TMEM132B: variants seen among roughly 807,000 people sequenced by gnomAD.
TMEM132B encodes the protein transmembrane protein 132B.
A neutral mutation model predicts 90.8 loss-of-function variants in TMEM132B; 18 were observed. The ratio of observed to expected loss-of-function variants is 0.20; its 90% CI spans 0.14 to 0.29. The LOEUF is 0.29. Ranked by LOEUF, TMEM132B falls within the 10% of genes least tolerant of loss-of-function variation. The pLI is 1.00. For missense variants in TMEM132B, 1,096 were observed against 1,326.8 expected (o/e 0.83, Z 2.70); for synonymous variants, 504 against 523.3 (o/e 0.96, Z 0.50).
chr12:125,475,872 C>G (rs566873202), intron 3 of TMEM132B, among the ~76,000 whole-genome samples: 66 of 152,274 alleles, frequency 4.3e-4, no homozygotes, highest in African/African-American at 1.5e-3. Context: ...GTCTCTAGAC[C>G]ATTATGGAAT....
chr12:125,246,873 G>A lies in TMEM132B; in HGVS notation c.67+60007G>A, dbSNP rs1349678061. Among the ~76,000 whole-genome samples the A allele has an allele frequency of 1.3e-5, 2 of 152,052 alleles. No individual in the cohort carries two copies. The highest frequency in any genetic ancestry group is 4.8e-5 in the African/African-American group (2 of 41,406). On this transcript the variant is annotated intron_variant, in intron 1 of 8. Coordinates refer to ENST00000682704, the MANE Select transcript of TMEM132B (RefSeq NM_001366854.1). The surrounding 1 kb of genome is among the most constrained non-coding windows in gnomAD (Gnocchi z 4.2). ...TGATGTGACACCATTTGGGGTTTCA[G>A]CATTTCATCACATTTCCCACCGGGA...
intron 1 of TMEM132B, among the ~76,000 whole-genome samples, chr12:125,266,980 G>A (rs1874710925): frequency 6.6e-6 from 1 of 152,114 alleles, no homozygotes; most frequent in South Asian, 2.1e-4. Flanking sequence ...TCAGGATGGT[G>A]AGCCTTGCTG....
intron 1 of TMEM132B, among the ~76,000 whole-genome samples, chr12:125,198,376 G>T (rs1196776873): frequency 6.6e-6 from 1 of 152,156 alleles, no homozygotes; most frequent in Non-Finnish European, 1.5e-5. Context: ...TCTGCCACTT[G>T]GTCTCTTAGT....
At chr12:125,379,279 G>A (rs1463475921) in intron 2 of TMEM132B, among the ~76,000 whole-genome samples, 1 of 152,200 alleles carries the variant, frequency 6.6e-6, no homozygotes, top group Non-Finnish European at 1.5e-5. Flanking sequence ...GGTTATCCAG[G>A]TGGAACCAGT....
chr12:125,498,746 G>A lies in TMEM132B; in HGVS notation c.1107-20693G>A, dbSNP rs1421331493. On this transcript the variant is annotated intron_variant, in intron 3 of 8. Coordinates refer to ENST00000682704, the MANE Select transcript of TMEM132B (RefSeq NM_001366854.1). This position sits in a 1 kb window ranked among gnomAD's most constrained non-coding sequence, Gnocchi z 4.5. Reference sequence around the variant, plus strand: ...GGGTTACTAGAGTCCCATGGGGCTTGTTCTAATGTCCTTACAGAGGATACT... The same window carrying A: ...GGGTTACTAGAGTCCCATGGGGCTTATTCTAATGTCCTTACAGAGGATACT... Among the ~76,000 whole-genome samples the A allele has an allele frequency of 6.6e-6, 1 of 152,238 alleles. No homozygotes were observed. Among genetic ancestry groups the A allele is most frequent in the Admixed American group, 6.5e-5 (1 of 15,284 alleles).
At chr12:125,278,169 C>G (rs958440533) in intron 1 of TMEM132B, among the ~76,000 whole-genome samples, 3 of 152,232 alleles carry the variant, frequency 2.0e-5, no homozygotes, top group African/African-American at 7.2e-5. Context: ...TTTTGATAGA[C>G]AAAGTTTTAT....
At chr12:125,368,909 A>G (rs1235602152) in intron 2 of TMEM132B, among the ~76,000 whole-genome samples, 1 of 152,132 alleles carries the variant, frequency 6.6e-6, no homozygotes, top group African/African-American at 2.4e-5. Flanking sequence ...TCTATGGTAC[A>G]TGTGCACAAC....
chr12:125,599,612 A>C (rs896394887), intron 5 of TMEM132B, among the ~76,000 whole-genome samples: 1 of 152,208 alleles, frequency 6.6e-6, no homozygotes. Context: ...GCAGGGATTC[A>C]GGACAAAATA....
intron 5 of TMEM132B, among the ~76,000 whole-genome samples, chr12:125,619,276 C>G (rs1886061976): frequency 6.6e-6 from 1 of 152,148 alleles, no homozygotes; most frequent in African/African-American, 2.4e-5. Context: ...GTTCTGTAGG[C>G]TATTCTGGGC....
intron 1 of TMEM132B, among the ~76,000 whole-genome samples, chr12:125,331,014 C>G (rs1454160707): frequency 6.6e-6 from 1 of 152,278 alleles, no homozygotes; most frequent in Non-Finnish European, 1.5e-5. Flanking sequence ...CTAAACCGCC[C>G]AAATCGGGGT....
At chr12:125,484,285 G>A (rs564151581) in intron 3 of TMEM132B, among the ~76,000 whole-genome samples, 59 of 151,638 alleles carry the variant, frequency 3.9e-4, no homozygotes, top group African/African-American at 1.4e-3. Context: ...TGAACACATG[G>A]ATGGTGAGGA....
chr12:125,430,263 G>C (rs535859291), intron 3 of TMEM132B, among the ~76,000 whole-genome samples: 1 of 152,334 alleles, frequency 6.6e-6, no homozygotes, highest in African/African-American at 2.4e-5. Context: ...GTTGTCGGGT[G>C]AGCGCACTGG....
intron 3 of TMEM132B, among the ~76,000 whole-genome samples, chr12:125,420,420 T>G (rs982249294): frequency 2.3e-4 from 35 of 152,354 alleles, no homozygotes; most frequent in African/African-American, 7.7e-4. Flanking sequence ...GCTGGCACCC[T>G]CTGAAGCCAT....
At chr12:125,613,296 T>C (rs1421196501) in intron 5 of TMEM132B, among the ~76,000 whole-genome samples, 1 of 145,800 alleles carries the variant, frequency 6.9e-6, no homozygotes, top group Non-Finnish European at 1.5e-5. Flanking sequence ...CATACATGTG[T>C]AGTAATCACA....
rs139558398 is a variant in TMEM132B at position 125,226,744 on chromosome 12, G to T, written c.67+39878G>T. 2.0e-5 allele frequency among the ~76,000 whole-genome samples: 3 copies of T among 152,248 alleles called. No homozygotes were observed. The South Asian group carries it at 6.2e-4, about 32-fold the overall frequency. ...AAGTGGGGTAAAATCTACGTGTCAG[G>T]GTTTATTGGATTGGTCATTCCTTCA... On this transcript the variant is annotated intron_variant, in intron 1 of 8. Transcript: ENST00000682704.
chr12:125,524,775 G>C (rs900726525), intron 4 of TMEM132B, among the ~76,000 whole-genome samples: 2 of 152,140 alleles, frequency 1.3e-5, no homozygotes, highest in Non-Finnish European at 2.9e-5. Context: ...TTCTCCTCTT[G>C]GAGAAAAGGA....
chr12:125,481,802 C>T (rs1443098686), intron 3 of TMEM132B, among the ~76,000 whole-genome samples: 1 of 152,158 alleles, frequency 6.6e-6, no homozygotes, highest in South Asian at 2.1e-4. Context: ...CAAGACAATC[C>T]TAAGCCAAAA....
At position 125,656,290 on chromosome 12, in the gene TMEM132B, G is replaced by T. The variant is rs1355472401; in HGVS notation, c.*1580G>T. ...TAAAGGCCCAAAGTAGGAAGGATCTGCAGGGGGTCACCTGAAGCAGTGCCC... is the reference window on the plus strand; with the variant it reads ...TAAAGGCCCAAAGTAGGAAGGATCTTCAGGGGGTCACCTGAAGCAGTGCCC... On this transcript the variant is annotated 3_prime_UTR_variant, in exon 9 of 9. Transcript: ENST00000682704. 6.6e-6 allele frequency: 1 copy of T among 152,190 alleles called. No individual in the cohort carries two copies. The highest frequency in any genetic ancestry group is 1.5e-5 in the Non-Finnish European group (1 of 68,040). 9.4% of individuals were successfully genotyped at this position (152,190 alleles called of 1,614,324 possible). A position where few individuals can be genotyped will look rare whatever the true frequency, so the allele number is the denominator to read the frequency against.
chr12:125,570,006 A>G (rs895548013), intron 4 of TMEM132B, among the ~76,000 whole-genome samples: 2 of 151,612 alleles, frequency 1.3e-5, no homozygotes, highest in African/African-American at 4.9e-5. Context: ...CACTATTATG[A>G]TAGTGTTGGG....
Sources: allele counts gnomAD v4.1 joint callset (sites outside exome capture counted in the v4.1 genomes callset), GRCh38; gene constraint gnomAD v4.1.1; non-coding constraint Gnocchi (gnomAD v3.1); transcripts MANE v1.5; gene names NCBI Gene and HGNC (gene_info 2026-07-23, HGNC 2026-07-21).